The following TLL1 variants were observed in gnomAD, a reference collection of about 807,000 sequenced individuals.
The protein encoded by TLL1 is tolloid-like protein 1.
A neutral mutation model predicts 128.2 loss-of-function variants in TLL1; 49 were observed. The ratio of observed to expected loss-of-function variants is 0.38; its 90% CI spans 0.30 to 0.48. The LOEUF is 0.48. Among genes scored for constraint, TLL1 ranks in the 20% least tolerant of loss-of-function variants. TLL1 has a pLI of 0.96. For synonymous variants in TLL1, 454 were observed against 418.8 expected (o/e 1.08, Z -1.03); for missense variants, 1,123 against 1,242.0 (o/e 0.90, Z 1.44).
rs532826361 is a variant in TLL1 at position 165,958,033 on chromosome 4, C to T, written c.170-31348C>T. 2.9e-3 allele frequency among the ~76,000 whole-genome samples: 433 copies of T among 151,310 alleles called. 1 individual carries two copies. The highest frequency in any genetic ancestry group is 0.01 in the African/African-American group (419 of 41,088). On this transcript the variant is annotated intron_variant, in intron 1 of 20. Coordinates refer to ENST00000061240, the MANE Select transcript of TLL1 (RefSeq NM_012464.5). ...ATTTCATCCATGTCCCTACAAAGGA[C>T]ATGAGCTCATCATTTTTTATGGCTG...
At chr4:166,100,535 C>T (rs1480946786) in intron 20 of TLL1, among the ~76,000 whole-genome samples, 3 of 152,200 alleles carry the variant, frequency 2.0e-5, no homozygotes, top group Admixed American at 6.5e-5. Flanking sequence ...ACCGACTAGT[C>T]GCGTGAGCTC....
chr4:165,970,048 A>G (rs1190191997), intron 1 of TLL1, among the ~76,000 whole-genome samples: 1 of 152,168 alleles, frequency 6.6e-6, no homozygotes, highest in Non-Finnish European at 1.5e-5. Flanking sequence ...AAGGATGCTA[A>G]ATAAGTCTCA....
At chr4:165,882,630 T>A (rs1028144550) in intron 1 of TLL1, among the ~76,000 whole-genome samples, 1 of 152,062 alleles carries the variant, frequency 6.6e-6, no homozygotes, top group African/African-American at 2.4e-5. Context: ...TTCTTTCAAT[T>A]TTTTTTGAGA....
At chr4:165,913,081 A>C (rs1490148595) in intron 1 of TLL1, among the ~76,000 whole-genome samples, 1 of 152,186 alleles carries the variant, frequency 6.6e-6, no homozygotes, top group African/African-American at 2.4e-5. Context: ...GATTTCGGCC[A>C]ATTTCCCAAT....
chr4:166,006,978 A>G (rs934716906), intron 6 of TLL1, among the ~76,000 whole-genome samples: 1 of 151,716 alleles, frequency 6.6e-6, no homozygotes, highest in Non-Finnish European at 1.5e-5. Flanking sequence ...TAAAAACCTA[A>G]GTAGATGAAT....
chr4:165,895,432 C>T (rs1731625211), intron 1 of TLL1, among the ~76,000 whole-genome samples: 1 of 151,816 alleles, frequency 6.6e-6, no homozygotes, highest in South Asian at 2.1e-4. Flanking sequence ...AAGGATAAAT[C>T]TTTCAAAGTA....
At chr4:165,958,722 C>G (rs1171787841) in intron 1 of TLL1, among the ~76,000 whole-genome samples, 1 of 143,984 alleles carries the variant, frequency 6.9e-6, no homozygotes, top group Admixed American at 6.9e-5. Flanking sequence ...TTAATTAGAT[C>G]CCATTTGTCA....
intron 6 of TLL1, among the ~76,000 whole-genome samples, chr4:166,007,071 GC>G (rs1737474126): frequency 6.6e-6 from 1 of 151,576 alleles, no homozygotes; most frequent in Admixed American, 6.6e-5. Context: ...ATGTTTCAAA[GC>G]TTTTTGTTAC....
intron 18 of TLL1, among the ~76,000 whole-genome samples, chr4:166,079,785 G>A (rs1219781035): frequency 6.6e-6 from 1 of 151,978 alleles, no homozygotes; most frequent in East Asian, 1.9e-4. Flanking sequence ...AATTACTTAT[G>A]GGCTAGATTG....
intron 1 of TLL1, among the ~76,000 whole-genome samples, chr4:165,931,156 T>C (rs1733493488): frequency 6.6e-6 from 1 of 152,166 alleles, no homozygotes; most frequent in Non-Finnish European, 1.5e-5. Context: ...ATTTCATAGG[T>C]TTATGGACAC....
At chr4:166,090,465 G>A (rs182164082) in intron 18 of TLL1, among the ~76,000 whole-genome samples, 7 of 152,070 alleles carry the variant, frequency 4.6e-5, no homozygotes, top group East Asian at 3.9e-4. Context: ...GTTTTTAAAT[G>A]TCATAAATAA....
At chr4:165,914,593 G>T (rs573475334) in intron 1 of TLL1, among the ~76,000 whole-genome samples, 4 of 152,294 alleles carry the variant, frequency 2.6e-5, no homozygotes, top group Admixed American at 1.3e-4. Context: ...CACAGATAAA[G>T]ACTTTTATTA....
intron 1 of TLL1, among the ~76,000 whole-genome samples, chr4:165,960,148 T>C (rs1365899142): frequency 6.6e-6 from 1 of 152,002 alleles, no homozygotes; most frequent in Non-Finnish European, 1.5e-5. Context: ...GACAAAATGA[T>C]ATTACAGCAG....
intron 18 of TLL1, among the ~76,000 whole-genome samples, chr4:166,086,686 A>G (rs962740341): frequency 6.6e-6 from 1 of 152,120 alleles, no homozygotes; most frequent in Admixed American, 6.6e-5. Context: ...CTTTCGGAAC[A>G]TTCTGTTGGT....
At chr4:166,042,006 T>G (rs772161542) in intron 10 of TLL1, 21 bp from the exon 11 acceptor site, 1 of 1,534,506 alleles carries the variant, frequency 6.5e-7, no homozygotes, top group Non-Finnish European at 9.0e-7. Flanking sequence ...GAGTTTCTCT[T>G]TATTCTTTTA....
chr4:166,037,022 G>A (rs1739036396), intron 9 of TLL1, among the ~76,000 whole-genome samples: 1 of 151,996 alleles, frequency 6.6e-6, no homozygotes, highest in African/African-American at 2.4e-5. Context: ...GTGAGCCCTG[G>A]GGGAGTCTCT....
chr4:166,016,807 A>G (rs1025504845), intron 8 of TLL1, among the ~76,000 whole-genome samples: 3 of 151,946 alleles, frequency 2.0e-5, no homozygotes, highest in Non-Finnish European at 2.9e-5. Context: ...ATACATACAG[A>G]TATATAGAGA....
intron 16 of TLL1, among the ~76,000 whole-genome samples, chr4:166,070,797 C>T (rs75720015): frequency 0.015 from 2,294 of 151,814 alleles, 60 homozygotes; most frequent in African/African-American, 0.052. Flanking sequence ...CCTTCTTGTC[C>T]ACTGTTTCTC....
chr4:166,025,470 T>G, intron 9 of TLL1, 39 bp downstream of exon 9: 1 of 1,454,706 alleles, frequency 6.9e-7, no homozygotes, highest in Non-Finnish European at 9.7e-7. Context: ...TATTCTTATA[T>G]AAGTACAAAA....
Sources: allele counts gnomAD v4.1 joint callset (sites outside exome capture counted in the v4.1 genomes callset), GRCh38; gene constraint gnomAD v4.1.1; transcripts MANE v1.5; gene names NCBI Gene and HGNC (gene_info 2026-07-23, HGNC 2026-07-21).